Variants in PDZRN4 observed in about 807,000 individuals in gnomAD.
The protein encoded by PDZRN4 is PDZ domain containing ring finger 4.
In PDZRN4, 70 loss-of-function variants were observed where a neutral mutation model predicts 99.0. That is an observed-to-expected ratio of 0.71 (90% confidence interval 0.58 to 0.86). The LOEUF (loss-of-function observed/expected upper bound fraction) is 0.86, where lower values mean the gene tolerates loss of function less well. Ranked by LOEUF, PDZRN4 falls within the 40% of genes least tolerant of loss-of-function variation. The probability of loss-of-function intolerance (pLI) is 0.00; values close to 1 mark genes in which losing one functional copy is unlikely to be tolerated. For synonymous variants in PDZRN4, 551 were observed against 501.6 expected (o/e 1.10, Z -1.32); for missense variants, 1,474 against 1,331.2 (o/e 1.11, Z -1.67).
At chr12:41,468,600 C>G (rs896717543) in intron 3 of PDZRN4, among the ~76,000 whole-genome samples, 1 of 152,326 alleles carries the variant, frequency 6.6e-6, no homozygotes, top group Admixed American at 6.5e-5. Flanking sequence ...CTAATAGCCA[C>G]ACTTTCCCAA....
In PDZRN4 at chr12:41,242,628, G is replaced by GACAC. The variant is rs112751345; in HGVS notation, c.843+48462_843+48465dup. On this transcript the variant is annotated intron_variant, in intron 3 of 9. Coordinates refer to ENST00000402685, the MANE Select transcript of PDZRN4 (RefSeq NM_001164595.2). Reference sequence around the variant, plus strand: ...GAAGCATTTTATTCTTGTTCTTGTGGACACACACACACACACACACACACA... The same window carrying GACAC: ...GAAGCATTTTATTCTTGTTCTTGTGGACACACACACACACACACACACACACACA... 8.2e-3 allele frequency among the ~76,000 whole-genome samples: 1,224 copies of GACAC among 148,648 alleles called. 8 individuals are homozygous for GACAC. The highest frequency in any genetic ancestry group is 0.03 in the South Asian group (141 of 4,684).
chr12:41,485,263 G>C (rs566211219), intron 3 of PDZRN4, among the ~76,000 whole-genome samples: 8 of 152,258 alleles, frequency 5.3e-5, no homozygotes, highest in Non-Finnish European at 1.2e-4. Context: ...CAAGAAGAAG[G>C]CTATCCCTGG....
intron 3 of PDZRN4, among the ~76,000 whole-genome samples, chr12:41,335,997 G>C (rs569034223): frequency 4.1e-4 from 62 of 152,140 alleles, no homozygotes; most frequent in Middle Eastern, 3.4e-3. Context: ...ATATAAAAAA[G>C]TTTTCTTTTA....
Position 41,552,696 on chromosome 12 carries a change from G to T in PDZRN4, c.1244G>T (p.Gly415Val). 1 of 1,613,882 alleles carries T rather than the reference G, an allele frequency of 6.2e-7. No individual in the cohort carries two copies. Among genetic ancestry groups the T allele is most frequent in the Non-Finnish European group, 8.5e-7 (1 of 1,179,830 alleles). The change falls in exon 6 of 10, where the codon GGC (glycine) becomes GTC (valine). Residue 415 changes from glycine to valine, a missense_variant. Gly to Val is a moderately radical substitution (Grantham distance 109). Transcript: ENST00000402685. ...CGTGTTAGCAGTCAAGAGAAGCTGG[G>T]CCTGACAGTCTGTTACCGAACAGAT... ...LCRVSSQEKLGLTVCYRTDDE... is the reference protein window; with the variant it reads ...LCRVSSQEKLVLTVCYRTDDE...
rs1162390306 is a variant in PDZRN4, at chr12:41,266,139, G to A, written c.843+71951G>A. On this transcript the variant is annotated intron_variant, in intron 3 of 9. Coordinates refer to ENST00000402685, the MANE Select transcript of PDZRN4 (RefSeq NM_001164595.2). Reference sequence around the variant, plus strand: ...ATCCCGGCTAAAACGGTGAAACCCCGTCTCTACTAAAAATACAAAAAATTA... The same window carrying A: ...ATCCCGGCTAAAACGGTGAAACCCCATCTCTACTAAAAATACAAAAAATTA... 1.9e-4 allele frequency among the ~76,000 whole-genome samples: 6 copies of A among 31,194 alleles called. 2 individuals carry two copies. The highest frequency in any genetic ancestry group is 3.5e-4 in the Non-Finnish European group (5 of 14,452). 20.5% of individuals were successfully genotyped at this position (31,194 alleles called of 152,430 possible).
At chr12:41,275,972 G>T (rs968093366) in intron 3 of PDZRN4, among the ~76,000 whole-genome samples, 4 of 152,126 alleles carry the variant, frequency 2.6e-5, no homozygotes. Context: ...TGGGTAAATG[G>T]TTACAGGCAG....
chr12:41,442,192 T>A (rs1952685420), intron 3 of PDZRN4, among the ~76,000 whole-genome samples: 1 of 152,076 alleles, frequency 6.6e-6, no homozygotes, highest in Non-Finnish European at 1.5e-5. Flanking sequence ...CCAGACTCTA[T>A]TTTTTGCTTT....
chr12:41,417,080 T>G (rs560805835), intron 3 of PDZRN4, among the ~76,000 whole-genome samples: 5 of 152,358 alleles, frequency 3.3e-5, no homozygotes, highest in African/African-American at 1.2e-4. Context: ...ATTTGGAATG[T>G]TCAGAAGAAT....
At chr12:41,339,190 G>A (rs1442885538) in intron 3 of PDZRN4, among the ~76,000 whole-genome samples, 1 of 151,268 alleles carries the variant, frequency 6.6e-6, no homozygotes, top group Admixed American at 6.6e-5. Context: ...CAGAGTTATG[G>A]TAACCAAAAC....
rs183644131 is a variant in PDZRN4, at chr12:41,455,333, C to A, written c.844-51123C>A. 1.2e-4 allele frequency among the ~76,000 whole-genome samples: 18 copies of A among 152,240 alleles called. No individual in the cohort carries two copies. The East Asian group carries it at 2.7e-3, about 23-fold the overall frequency. On this transcript the variant is annotated intron_variant, in intron 3 of 9. Coordinates refer to ENST00000402685, the MANE Select transcript of PDZRN4 (RefSeq NM_001164595.2). ...TAGATAGCAGCATTTAGTAAATAAT[C>A]TTGACACTAAAATCTCATGAAAAAG...
chr12:41,557,076 G>A (rs12809313), intron 7 of PDZRN4, among the ~76,000 whole-genome samples: 22,901 of 149,372 alleles, frequency 0.15, 1,999 homozygotes, highest in Middle Eastern at 0.24. Context: ...GCTTGAACCC[G>A]GGAGACAGAG....
intron 3 of PDZRN4, among the ~76,000 whole-genome samples, chr12:41,429,420 C>T (rs1439358828): frequency 2.0e-5 from 3 of 152,164 alleles, no homozygotes; most frequent in Non-Finnish European, 4.4e-5. Flanking sequence ...TTTTATGTAG[C>T]CATGCTTGAG....
In PDZRN4 at chr12:41,572,512, A is replaced by G. The variant is rs370916106; in HGVS notation, c.1733A>G (p.Asn578Ser). ...CAGGAGAATGCAGCCGAGGACCCCA[A>G]TAGCACATCTTTGAAGAGCAAGAGA... ...SEQENAAEDP[N>S]STSLKSKRDL... Residue 578 changes from asparagine to serine, a missense_variant, in exon 10 of 10, where the codon AAT becomes AGT. Transcript: ENST00000402685. 1.1e-5 allele frequency: 17 copies of G among 1,613,992 alleles called. No individual in the cohort carries two copies. The highest frequency in any genetic ancestry group is 6.7e-5 in the Admixed American group (4 of 59,988).
In PDZRN4 at chr12:41,241,969, T is replaced by A. The variant is rs115565141; in HGVS notation, c.843+47781T>A. Among the ~76,000 whole-genome samples the A allele has an allele frequency of 3.3e-3, 506 of 152,324 alleles. 1 individual carries two copies. The highest frequency in any genetic ancestry group is 0.011 in the African/African-American group (462 of 41,582). On this transcript the variant is annotated intron_variant, in intron 3 of 9. Transcript: ENST00000402685. ...AGAAGATAGAATGAAGCAACAGCTA[T>A]GTTTCACTCTTGGAAATTTGGTAGG...
Position 41,362,743 on chromosome 12 carries a change from A to T in PDZRN4, c.844-143713A>T, listed in dbSNP as rs118093427. Among the ~76,000 whole-genome samples the T allele has an allele frequency of 1.0e-3, 156 of 152,224 alleles. 1 individual carries two copies. The East Asian group carries it at 0.021, about 20-fold the overall frequency. ...TGATGGGAAGCAGCTGCTATGGAAC[A>T]AGATGCAATGTAGTTAGGAGGAATT... On this transcript the variant is annotated intron_variant, in intron 3 of 9. Coordinates refer to ENST00000402685, the MANE Select transcript of PDZRN4 (RefSeq NM_001164595.2).
chr12:41,272,690 T>C (rs1037574860), intron 3 of PDZRN4, among the ~76,000 whole-genome samples: 1 of 152,072 alleles, frequency 6.6e-6, no homozygotes, highest in Non-Finnish European at 1.5e-5. Flanking sequence ...CAGAAAAAAA[T>C]TTAAAACTTT....
At chr12:41,355,977 G>T (rs577357326) in intron 3 of PDZRN4, among the ~76,000 whole-genome samples, 1 of 151,912 alleles carries the variant, frequency 6.6e-6, no homozygotes, top group Non-Finnish European at 1.5e-5. Flanking sequence ...AAATATGAAA[G>T]CAAAAATTAT....
intron 5 of PDZRN4, among the ~76,000 whole-genome samples, chr12:41,511,833 C>T (rs531363985): frequency 1.5e-4 from 23 of 152,240 alleles, no homozygotes; most frequent in Admixed American, 1.5e-3. Context: ...CACCATTAGG[C>T]TCATTCAGTG....
intron 3 of PDZRN4, among the ~76,000 whole-genome samples, chr12:41,217,167 A>G (rs936629159): frequency 6.6e-6 from 1 of 152,108 alleles, no homozygotes; most frequent in Non-Finnish European, 1.5e-5. Flanking sequence ...CTGGACTTTC[A>G]GTCTTCAGGT....
Sources: gnomAD v4.1 joint callset for allele counts (sites outside exome capture counted in the v4.1 genomes callset) on GRCh38, gnomAD v4.1.1 for gene constraint, MANE v1.5 for transcripts, NCBI Gene and HGNC (gene_info 2026-07-23, HGNC 2026-07-21) for gene names.